STARD9: variants seen among roughly 807,000 people sequenced by gnomAD.
The protein encoded by STARD9 is stAR-related lipid transfer protein 9.
A neutral mutation model predicts 399.8 loss-of-function variants in STARD9; 346 were observed. That is an observed-to-expected ratio of 0.87 (90% CI 0.79 to 0.95). The LOEUF (loss-of-function observed/expected upper bound fraction) is 0.95, where lower values mean the gene tolerates loss of function less well. Among genes scored for constraint, STARD9 ranks in the 40% least tolerant of loss-of-function variants. STARD9 has a pLI of 0.00. For missense variants in STARD9, 5,832 were observed against 5,667.5 expected, an observed-to-expected ratio of 1.03 and a Z score of -0.93; for synonymous variants, 2,203 against 2,143.5, an observed-to-expected ratio of 1.03 and a Z score of -0.77.
Position 42,716,725 on chromosome 15 carries a change from C to T in STARD9, c.13333C>T (p.Arg4445Ter), listed in dbSNP as rs974184012. 6.5e-6 allele frequency: 10 copies of T among 1,536,844 alleles called. No individual in the cohort carries two copies. Among genetic ancestry groups the T allele is most frequent in the South Asian group, 3.6e-5 (3 of 84,054 alleles). The change falls in exon 27 of 33, where the codon CGA becomes TGA. Residue 4445 changes from arginine (R) to a stop codon, truncating the protein, a stop_gained. Coordinates refer to ENST00000290607, the MANE Select transcript of STARD9 (RefSeq NM_020759.3). LOFTEE classifies it high-confidence loss of function. ...DSRDVWIGDERGGHSAVRKNS... is the reference protein window; with the variant it reads ...DSRDVWIGDE Reference sequence around the variant, plus strand: ...CAGGGATGTATGGATAGGGGATGAGCGAGGAGGCCATTCTGCAGTGAGGAA... The same window carrying T: ...CAGGGATGTATGGATAGGGGATGAGTGAGGAGGCCATTCTGCAGTGAGGAA...
Position 42,717,587 on chromosome 15 carries a change from T to G in STARD9, c.13495-144T>G, listed in dbSNP as rs916231461. The G allele has an allele frequency of 1.6e-5, 12 of 742,144 alleles. No homozygotes were observed. In the Middle Eastern group the frequency reaches 8.9e-4, roughly 55 times the overall value. 46.0% of individuals were successfully genotyped at this position (742,144 alleles called of 1,614,324 possible). On this transcript the variant is annotated intron_variant, in intron 28 of 32. Coordinates refer to ENST00000290607, the MANE Select transcript of STARD9 (RefSeq NM_020759.3). ...CTGCAGTGAGCTGTGATTACGCCAC[T>G]CCACTCCAGCCTGGGTGACAGAGCT...
chr15:42,581,390 G>A (rs2058166310), intron 1 of STARD9: 2 of 1,497,952 alleles, frequency 1.3e-6, no homozygotes, highest in Non-Finnish European at 9.3e-7. Context: ...TGGTGCAATA[G>A]TCAAGAGGTA....
chr15:42,625,353 C>T (rs2059181153), intron 3 of STARD9, among the ~76,000 whole-genome samples: 2 of 145,446 alleles, frequency 1.4e-5, no homozygotes, highest in South Asian at 4.4e-4. Flanking sequence ...TTTTTGGAGA[C>T]AGAGTCTGAC....
intron 9 of STARD9, among the ~76,000 whole-genome samples, chr15:42,653,982 ATTAAG>A (rs539746313): frequency 1.2e-3 from 180 of 152,348 alleles, no homozygotes; most frequent in African/African-American, 4.2e-3. Context: ...TTTTACAGGA[ATTAAG>A]TTAGTATTAT....
intron 3 of STARD9, among the ~76,000 whole-genome samples, chr15:42,589,090 C>T (rs1457270343): frequency 6.6e-6 from 1 of 152,042 alleles, no homozygotes; most frequent in Non-Finnish European, 1.5e-5. Flanking sequence ...GCTGGGATTA[C>T]AGGTGTGAGC....
intron 7 of STARD9, among the ~76,000 whole-genome samples, chr15:42,643,534 C>T (rs1023877981): frequency 1.3e-5 from 2 of 151,988 alleles, no homozygotes; most frequent in Admixed American, 6.6e-5. Context: ...CTCGCTCTGT[C>T]GCCCAGGCTG....
At chr15:42,660,595 A>C (rs560254714) in intron 9 of STARD9, among the ~76,000 whole-genome samples, 11 of 152,046 alleles carry the variant, frequency 7.2e-5, no homozygotes, top group Non-Finnish European at 1.5e-4. Context: ...AAAAAAAAAA[A>C]AACAAGAAAC....
chr15:42,623,360 C>T (rs898071906), intron 3 of STARD9, among the ~76,000 whole-genome samples: 2 of 152,138 alleles, frequency 1.3e-5, no homozygotes, highest in African/African-American at 2.4e-5. Context: ...TATGTCTCCT[C>T]TTTATTCATA....
rs1007772100 is a variant in STARD9 at position 42,641,665 on chromosome 15, C to T, written c.559+2853C>T. The stretch of plus-strand genomic sequence containing the variant: ...TATTGCCCAGACTGGAGTGCAATGG[C>T]GCGATCTCGGCTCACCACAGCCTCC... On this transcript the variant is annotated intron_variant, in intron 7 of 32. Coordinates refer to ENST00000290607, the MANE Select transcript of STARD9 (RefSeq NM_020759.3). Among the ~76,000 whole-genome samples the T allele has an allele frequency of 2.2e-4, 33 of 151,630 alleles. 1 individual carries two copies. The highest frequency in any genetic ancestry group is 7.4e-5 in the Non-Finnish European group (5 of 67,956).
rs1302987863 is a variant in STARD9, at chr15:42,718,738, C to T, written c.13843-14C>T. On this transcript the variant is annotated splice_polypyrimidine_tract_variant and intron_variant, in intron 31 of 32. Coordinates refer to ENST00000290607, the MANE Select transcript of STARD9 (RefSeq NM_020759.3). ...CACTACACAGGCAGGACTCCCATTTCCCTCTGTCCCCAGGGTCACCTGTCT... is the reference window on the plus strand; with the variant it reads ...CACTACACAGGCAGGACTCCCATTTTCCTCTGTCCCCAGGGTCACCTGTCT... The T allele has an allele frequency of 2.0e-6, 3 of 1,536,926 alleles. No homozygotes were observed. Among genetic ancestry groups the T allele is most frequent in the East Asian group, 2.4e-5 (1 of 40,910 alleles).
At chr15:42,675,557 T>C (rs1258064162) in intron 18 of STARD9, 107 bp from the exon 19 acceptor site, 3 of 794,438 alleles carry the variant, frequency 3.8e-6, no homozygotes, top group Non-Finnish European at 6.1e-6. Context: ...AGCAAAATTA[T>C]CAGTTATCGA....
rs1566932827 is a variant in STARD9, at chr15:42,684,173, C to T, written c.2595C>T (p.His865=). The T allele has an allele frequency of 1.3e-6, 2 of 1,537,202 alleles. No homozygotes were observed. The highest frequency in any genetic ancestry group is 2.4e-5 in the East Asian group (1 of 40,926). The part of the protein sequence containing the change: ...TTLPPRPDPT[H]QTSEKTSSEE... ...TGCCACCTAGGCCTGACCCTACACACCAAACATCAGAGAAAACATCATCAG... is the reference window on the plus strand; with the variant it reads ...TGCCACCTAGGCCTGACCCTACACATCAAACATCAGAGAAAACATCATCAG... Residue 865 remains histidine, a synonymous_variant, in exon 23 of 33, where the codon CAC becomes CAT. Transcript: ENST00000290607.
rs910120119 is a variant in STARD9 at position 42,686,099 on chromosome 15, G to A, written c.4521G>A (p.Lys1507=). The A allele has an allele frequency of 5.2e-6, 8 of 1,537,228 alleles. No homozygotes were observed. The highest frequency in any genetic ancestry group is 7.0e-6 in the Non-Finnish European group (8 of 1,146,896). ...TTTTGGAGGCCATAGGAGCACCCAA[G>A]CCAGCTTACCCCTACCTTGAGGAAG... ...CPVLEAIGAP[K]PAYPYLEEDS... The change falls in exon 23 of 33, where the codon AAG becomes AAA. Residue 1507 remains lysine, a synonymous_variant. Transcript: ENST00000290607.
rs1244497002 is a variant in STARD9, at chr15:42,685,388, A to G, written c.3810A>G (p.Pro1270=). Residue 1270 remains proline (P), a synonymous_variant, in exon 23 of 33, where the codon CCA becomes CCG. Transcript: ENST00000290607. ...CAGCTAGGCTGGATGCCGTCCTGCCAATGAGCAGTTCGTTTTACCTTGATC... is the reference window on the plus strand; with the variant it reads ...CAGCTAGGCTGGATGCCGTCCTGCCGATGAGCAGTTCGTTTTACCTTGATC... ...RTAARLDAVL[P]MSSSFYLDPQ... 6.5e-7 allele frequency: 1 copy of G among 1,537,166 alleles called. No individual in the cohort carries two copies. The highest frequency in any genetic ancestry group is 8.7e-7 in the Non-Finnish European group (1 of 1,146,888).
In STARD9 at chr15:42,694,230, C is replaced by T. The variant is rs771235362; in HGVS notation, c.12652C>T (p.His4218Tyr). The change falls in exon 23 of 33, where the codon CAC (histidine) becomes TAC (tyrosine). Residue 4218 changes from histidine to tyrosine, a missense_variant. Around this residue, in one of 2 missense-constraint regions of STARD9, gnomAD observed 5,828 missense variants for 5,651.1 expected, o/e 1.03. Transcript: ENST00000290607. ...CGTGGAACTCACAGAAGCGAAACTG[C>T]ACCATGGCTTTGGGGAGGCCGATGC... is the stretch of plus-strand genomic sequence containing the variant. ...LSVELTEAKL[H>Y]HGFGEADALL... The T allele has an allele frequency of 3.2e-5, 49 of 1,534,854 alleles. 1 individual carries two copies. The highest frequency in any genetic ancestry group is 3.3e-4 in the Middle Eastern group (2 of 5,996).
intron 3 of STARD9, among the ~76,000 whole-genome samples, chr15:42,625,265 G>A (rs987367255): frequency 6.6e-6 from 1 of 151,846 alleles, no homozygotes; most frequent in Non-Finnish European, 1.5e-5. Flanking sequence ...GATCTCAAGT[G>A]GTCCACCCAC....
At chr15:42,718,268 G>A in intron 30 of STARD9, 89 bp downstream of exon 30, 1 of 1,349,458 alleles carries the variant, frequency 7.4e-7, no homozygotes, top group South Asian at 1.3e-5. Context: ...GAGGGTTGGA[G>A]GCAGCCCTCT....
intron 32 of STARD9, 134 bp downstream of exon 32, chr15:42,719,044 C>T: frequency 1.4e-6 from 1 of 725,012 alleles, no homozygotes; most frequent in Non-Finnish European, 2.2e-6. Context: ...GACTTGAGGG[C>T]TTCCTGGGCT....
chr15:42,674,311 C>T (rs902021456), intron 16 of STARD9, 129 bp from the exon 17 acceptor site: 2 of 757,162 alleles, frequency 2.6e-6, no homozygotes, highest in African/African-American at 3.5e-5. Flanking sequence ...ACCGACCAGG[C>T]TGGGATGGGA....
Sources: allele counts gnomAD v4.1 joint callset (sites outside exome capture counted in the v4.1 genomes callset), GRCh38; gene constraint gnomAD v4.1.1; regional missense constraint gnomAD v4.1.1; transcripts MANE v1.5; gene names NCBI Gene and HGNC (gene_info 2026-07-23, HGNC 2026-07-21).